VSTM2B: variants seen among roughly 807,000 people sequenced by gnomAD.
VSTM2B encodes V-set and transmembrane domain-containing protein 2B.
A neutral mutation model predicts 24.0 loss-of-function variants in VSTM2B; 24 were observed. That is an observed-to-expected ratio of 1.00 (90% CI 0.72 to 1.40). The LOEUF (loss-of-function observed/expected upper bound fraction) is 1.40, where lower values mean the gene tolerates loss of function less well. VSTM2B is among the 40% of genes most tolerant of loss of function. The pLI, the probability that VSTM2B is intolerant of heterozygous loss-of-function variation, is 0.00. For missense variants in VSTM2B, 399 were observed against 416.4 expected (o/e 0.96, Z 0.36); for synonymous variants, 226 against 194.4 (o/e 1.16, Z -1.35).
At chr19:29,536,091 A>G (rs1296415863) in intron 4 of VSTM2B, among the ~76,000 whole-genome samples, 2 of 152,148 alleles carry the variant, frequency 1.3e-5, no homozygotes, top group Non-Finnish European at 2.9e-5. Context: ...AACAGCAGCA[A>G]TCTTACGCCA....
intron 4 of VSTM2B, among the ~76,000 whole-genome samples, chr19:29,558,571 G>A (rs1970463058): frequency 6.6e-6 from 1 of 152,144 alleles, no homozygotes; most frequent in Non-Finnish European, 1.5e-5. Flanking sequence ...GGACATGGAT[G>A]GAGCTGGAAG....
intron 4 of VSTM2B, among the ~76,000 whole-genome samples, chr19:29,554,817 AG>A (rs1490951441): frequency 6.6e-6 from 1 of 152,224 alleles, no homozygotes. Flanking sequence ...AAAAAGACAA[AG>A]GGCATTACAT....
intron 4 of VSTM2B, among the ~76,000 whole-genome samples, chr19:29,561,499 C>T (rs1970524960): frequency 6.6e-6 from 1 of 151,964 alleles, no homozygotes; most frequent in South Asian, 2.1e-4. Context: ...GTGTGGGGTG[C>T]CTGTAATCCC....
At chr19:29,538,825 T>C (rs1318205381) in intron 4 of VSTM2B, among the ~76,000 whole-genome samples, 1 of 152,046 alleles carries the variant, frequency 6.6e-6, no homozygotes, top group African/African-American at 2.4e-5. Context: ...CTCATTACCA[T>C]GAGGAGGGCA....
chr19:29,548,492 T>A (rs1970201008), intron 4 of VSTM2B, among the ~76,000 whole-genome samples: 1 of 152,230 alleles, frequency 6.6e-6, no homozygotes, highest in South Asian at 2.1e-4. Flanking sequence ...ACTCCGTTAG[T>A]GTTCAATTAT....
chr19:29,539,731 C>A (rs1020942153), intron 4 of VSTM2B, among the ~76,000 whole-genome samples: 1 of 152,256 alleles, frequency 6.6e-6, no homozygotes, highest in African/African-American at 2.4e-5. Flanking sequence ...AATAAAGGTG[C>A]CACTTGGCAC....
chr19:29,530,526 G>A (rs1969729524), intron 4 of VSTM2B, among the ~76,000 whole-genome samples: 1 of 152,210 alleles, frequency 6.6e-6, no homozygotes, highest in Admixed American at 6.5e-5. Context: ...TGGAGGAGGG[G>A]GCTGCCCTGC....
chr19:29,551,533 T>A (rs777005336), intron 4 of VSTM2B, among the ~76,000 whole-genome samples: 2 of 152,192 alleles, frequency 1.3e-5, no homozygotes, highest in African/African-American at 4.8e-5. Context: ...CCAGCGTGTC[T>A]CTTATCCTGC....
chr19:29,545,126 C>T (rs1970120485), intron 4 of VSTM2B, among the ~76,000 whole-genome samples: 1 of 151,968 alleles, frequency 6.6e-6, no homozygotes, highest in Non-Finnish European at 1.5e-5. Flanking sequence ...GAAGGAGACC[C>T]ATGGTCTGAG....
intron 4 of VSTM2B, among the ~76,000 whole-genome samples, chr19:29,542,480 A>G (rs1970044683): frequency 6.6e-6 from 1 of 150,634 alleles, no homozygotes; most frequent in African/African-American, 2.4e-5. Context: ...ATGGGTGAGT[A>G]GAAGGAAGAT....
chr19:29,530,947 AG>A (rs1568437785), intron 4 of VSTM2B, among the ~76,000 whole-genome samples: 1 of 144,212 alleles, frequency 6.9e-6, no homozygotes, highest in Non-Finnish European at 1.5e-5. Flanking sequence ...AGGCACCCAG[AG>A]GGGAAGGCTT....
At position 29,561,774 on chromosome 19, in the gene VSTM2B, AGGCACGTG is replaced by A. The variant is rs373717976; in HGVS notation, c.770-2067_770-2060del. ...ACCCGAGCCTCAGGGAACTCCACCC[AGGCACGTG>A]GGCATCCATCAGCTCGTCCATCACA... is the stretch of plus-strand genomic sequence containing the variant. On this transcript the variant is annotated intron_variant, in intron 4 of 4. Coordinates refer to ENST00000335523, the MANE Select transcript of VSTM2B (RefSeq NM_001146339.2). Among the ~76,000 whole-genome samples the A allele has an allele frequency of 8.5e-4, 130 of 152,314 alleles. 1 individual carries two copies. Among genetic ancestry groups the A allele is most frequent in the African/African-American group, 2.9e-3 (122 of 41,570 alleles).
At position 29,564,149 on chromosome 19, in the gene VSTM2B, G is replaced by T. The variant is rs1970596781; in HGVS notation, c.*215G>T. 2 of 510,212 alleles carry T rather than the reference G, an allele frequency of 3.9e-6. No individual in the cohort carries two copies. Among genetic ancestry groups the T allele is most frequent in the East Asian group, 7.0e-5 (2 of 28,378 alleles). The allele number at this position is 510,212 out of a possible 1,614,324, so 31.6% of individuals were successfully genotyped here. On this transcript the variant is annotated 3_prime_UTR_variant, in exon 5 of 5. Transcript: ENST00000335523. ...CCAAATAATTTGGAGTTTGGCCCAT[G>T]CAGTCTGCATGGGAATCAATGATTT...
Position 29,526,692 on chromosome 19 carries a change from G to A in VSTM2B, c.82+27G>A, listed in dbSNP as rs1311160156. Reference sequence around the variant, plus strand: ...TGAGCGCGGGAACTTTGCTGCCGCTGTGGACTCGGGGGGGTCTTTGCTGGG... The same window carrying A: ...TGAGCGCGGGAACTTTGCTGCCGCTATGGACTCGGGGGGGTCTTTGCTGGG... On this transcript the variant is annotated intron_variant, in intron 1 of 4. Transcript: ENST00000335523. This position sits in a 1 kb window ranked among gnomAD's most constrained non-coding sequence, Gnocchi z 4.1. 2 of 1,520,586 alleles carry A rather than the reference G, an allele frequency of 1.3e-6. No homozygotes were observed. Among genetic ancestry groups the A allele is most frequent in the Non-Finnish European group, 1.8e-6 (2 of 1,137,370 alleles). 94.2% of individuals were successfully genotyped at this position (1,520,586 alleles called of 1,614,324 possible). A position where few individuals can be genotyped will look rare whatever the true frequency, so the allele number is the denominator to read the frequency against.
intron 4 of VSTM2B, among the ~76,000 whole-genome samples, chr19:29,548,528 T>C (rs1255157089): frequency 6.6e-6 from 1 of 152,214 alleles, no homozygotes; most frequent in Non-Finnish European, 1.5e-5. Flanking sequence ...TTTGAATAAA[T>C]ATCCATGAAG....
intron 4 of VSTM2B, among the ~76,000 whole-genome samples, chr19:29,542,442 G>A (rs1244009372): frequency 6.6e-6 from 1 of 151,834 alleles, no homozygotes; most frequent in Non-Finnish European, 1.5e-5. Context: ...GCGTAGATGG[G>A]TAGATGGGTT....
rs578177765 is a variant in VSTM2B, at chr19:29,557,567, T to C, written c.770-6279T>C. On this transcript the variant is annotated intron_variant, in intron 4 of 4. Coordinates refer to ENST00000335523, the MANE Select transcript of VSTM2B (RefSeq NM_001146339.2). ...ACAAAAAATTAGCTGAGCGTGGTGG[T>C]GGATGCCTGTAATCCCAGCTACTCA... Among the ~76,000 whole-genome samples, 27 of 151,982 alleles carry C rather than the reference T, an allele frequency of 1.8e-4. 2 individuals are homozygous for C. In the South Asian group the frequency reaches 5.4e-3, roughly 30 times the overall value.
chr19:29,531,202 G>T (rs993183472), intron 4 of VSTM2B, among the ~76,000 whole-genome samples: 2 of 152,220 alleles, frequency 1.3e-5, no homozygotes, highest in Admixed American at 6.5e-5. Flanking sequence ...TCCAAGCTGG[G>T]CCTCAGAGCC....
rs142389340 is a variant in VSTM2B at position 29,553,882 on chromosome 19, T to G, written c.770-9964T>G. 6.8e-3 allele frequency among the ~76,000 whole-genome samples: 1,033 copies of G among 152,068 alleles called. 8 individuals are homozygous for G. The highest frequency in any genetic ancestry group is 0.02 in the Middle Eastern group (6 of 294). On this transcript the variant is annotated intron_variant, in intron 4 of 4. Transcript: ENST00000335523. ...GCAGACAAGATTAGAGAAAAAAGAA[T>G]GAAAAGGAATGAACAAAACCTCCAA...
Sources: allele counts gnomAD v4.1 joint callset (sites outside exome capture counted in the v4.1 genomes callset), GRCh38; gene constraint gnomAD v4.1.1; non-coding constraint Gnocchi (gnomAD v3.1); transcripts MANE v1.5; gene names NCBI Gene and HGNC (gene_info 2026-07-23, HGNC 2026-07-21).